The following DOK5 variants were observed in gnomAD, a reference collection of about 807,000 sequenced individuals.
The protein encoded by DOK5 is docking protein 5.
In DOK5, 27 loss-of-function variants were observed where a neutral mutation model predicts 43.3. The observed-to-expected ratio is 0.62, with a 90% CI of 0.46 to 0.86. The LOEUF (loss-of-function observed/expected upper bound fraction) is 0.86, where lower values mean the gene tolerates loss of function less well. Among genes scored for constraint, DOK5 ranks in the 40% least tolerant of loss-of-function variants. The pLI, the probability that DOK5 is intolerant of heterozygous loss-of-function variation, is 0.00. For synonymous variants in DOK5, 146 were observed against 140.1 expected (o/e 1.04, Z -0.30); for missense variants, 373 against 392.9 (o/e 0.95, Z 0.43).
At chr20:54,587,208 T>C (rs534878524) in intron 2 of DOK5, among the ~76,000 whole-genome samples, 2 of 152,290 alleles carry the variant, frequency 1.3e-5, no homozygotes, top group South Asian at 4.1e-4. Flanking sequence ...TACATGGTGC[T>C]GAGTCACTGA....
chr20:54,509,528 G>A (rs929280530), intron 1 of DOK5, among the ~76,000 whole-genome samples: 1 of 152,186 alleles, frequency 6.6e-6, no homozygotes, highest in Non-Finnish European at 1.5e-5. Context: ...TATATGATGG[G>A]AGGCCATTGC....
intron 6 of DOK5, among the ~76,000 whole-genome samples, chr20:54,622,985 C>T (rs1179417920): frequency 1.3e-5 from 2 of 152,132 alleles, no homozygotes; most frequent in Admixed American, 1.3e-4. Context: ...CTTCTAAGCA[C>T]AGAGCCCCGT....
At chr20:54,649,542 C>CG (rs934803076) in intron 7 of DOK5, among the ~76,000 whole-genome samples, 1 of 151,964 alleles carries the variant, frequency 6.6e-6, no homozygotes, top group Non-Finnish European at 1.5e-5. Flanking sequence ...ACCAAGGCTG[C>CG]GGAAGTTTGT....
At chr20:54,486,316 A>G (rs995837012) in intron 1 of DOK5, among the ~76,000 whole-genome samples, 2 of 151,386 alleles carry the variant, frequency 1.3e-5, no homozygotes, top group African/African-American at 4.9e-5. Context: ...TGCCTTATAT[A>G]TGTACAGTGA....
At chr20:54,520,716 G>C (rs991863076) in intron 1 of DOK5, among the ~76,000 whole-genome samples, 2 of 152,028 alleles carry the variant, frequency 1.3e-5, no homozygotes, top group African/African-American at 4.8e-5. Flanking sequence ...AGCCCAGGAG[G>C]TTGAGTCAGC....
chr20:54,496,477 GA>G (rs1175172639), intron 1 of DOK5, among the ~76,000 whole-genome samples: 2 of 152,062 alleles, frequency 1.3e-5, no homozygotes, highest in Admixed American at 1.3e-4. Context: ...TCCTTGAGAA[GA>G]AAAAAAGAGC....
chr20:54,576,488 A>C (rs190532103), intron 2 of DOK5, among the ~76,000 whole-genome samples: 13 of 152,332 alleles, frequency 8.5e-5, no homozygotes, highest in Admixed American at 7.8e-4. Flanking sequence ...AGAGGTCAGA[A>C]TGGTAGTTTT....
chr20:54,583,112 T>C (rs1488070236), intron 2 of DOK5, among the ~76,000 whole-genome samples: 2 of 152,150 alleles, frequency 1.3e-5, no homozygotes, highest in African/African-American at 4.8e-5. Context: ...CCCTTTTGAT[T>C]CCTTCTTTGA....
In DOK5 at chr20:54,643,777, A is replaced by G. The variant is rs1156260408; in HGVS notation, c.856+199A>G. On this transcript the variant is annotated intron_variant, in intron 7 of 7. Coordinates refer to ENST00000262593, the MANE Select transcript of DOK5 (RefSeq NM_018431.5). ...TCTGTATGGCTCTAGAGATATTTGTATCTATCACAGTGTCCGGGGGGAAGT... is the reference window on the plus strand; with the variant it reads ...TCTGTATGGCTCTAGAGATATTTGTGTCTATCACAGTGTCCGGGGGGAAGT... 3.3e-5 allele frequency among the ~76,000 whole-genome samples: 5 copies of G among 152,198 alleles called. No individual in the cohort carries two copies. The East Asian group carries it at 5.8e-4, about 18-fold the overall frequency.
chr20:54,484,038 C>T (rs1981828767), intron 1 of DOK5, among the ~76,000 whole-genome samples: 2 of 152,152 alleles, frequency 1.3e-5, no homozygotes, highest in African/African-American at 2.4e-5. Context: ...AAGTCTGGTC[C>T]TCCCTGCCCC....
intron 5 of DOK5, among the ~76,000 whole-genome samples, chr20:54,609,334 G>A (rs191181849): frequency 5.3e-5 from 8 of 152,162 alleles, no homozygotes; most frequent in Admixed American, 3.3e-4. Flanking sequence ...AGAATAATTC[G>A]GCTCTTTAAA....
chr20:54,555,343 C>T lies in DOK5; in HGVS notation c.174+303C>T, dbSNP rs536738614. The T allele has an allele frequency of 2.5e-5, 6 of 236,238 alleles. No individual in the cohort carries two copies. The East Asian group carries it at 5.3e-4, about 21-fold the overall frequency. The allele number at this position is 236,238 out of a possible 1,614,324, so 14.6% of individuals were successfully genotyped here. ...CCCCGAGAGGATGAGGACTGGATCT[C>T]ATTGTGTCTCAGACACTGCCTGATG... On this transcript the variant is annotated intron_variant, in intron 2 of 7. Coordinates refer to ENST00000262593, the MANE Select transcript of DOK5 (RefSeq NM_018431.5).
intron 6 of DOK5, among the ~76,000 whole-genome samples, chr20:54,616,558 A>ATATAAAT (rs1986813832): frequency 6.6e-6 from 1 of 152,112 alleles, no homozygotes; most frequent in Non-Finnish European, 1.5e-5. Flanking sequence ...CTATATTACT[A>ATATAAAT]TATAAATTAA....
chr20:54,570,301 G>C (rs763013180), intron 2 of DOK5, among the ~76,000 whole-genome samples: 58 of 152,278 alleles, frequency 3.8e-4, no homozygotes, highest in Non-Finnish European at 2.8e-4. Context: ...ACTCAGAAAT[G>C]GATGGTTTTC....
At chr20:54,632,831 C>A (rs1027094449) in intron 6 of DOK5, among the ~76,000 whole-genome samples, 4 of 152,182 alleles carry the variant, frequency 2.6e-5, no homozygotes, top group Non-Finnish European at 5.9e-5. Flanking sequence ...AATCCCAGCA[C>A]TTTGGGAGGC....
chr20:54,628,404 G>T (rs1369151843), intron 6 of DOK5, among the ~76,000 whole-genome samples: 1 of 68,502 alleles, frequency 1.5e-5, no homozygotes, highest in African/African-American at 7.6e-5. Flanking sequence ...GCGAGACTCC[G>T]TCTCAAAAAA....
chr20:54,574,284 T>G (rs1449845372), intron 2 of DOK5, among the ~76,000 whole-genome samples: 2 of 152,078 alleles, frequency 1.3e-5, no homozygotes, highest in Non-Finnish European at 2.9e-5. Context: ...CTGCTTGGTT[T>G]TCTTCATATC....
chr20:54,540,664 G>A (rs957900843), intron 1 of DOK5, among the ~76,000 whole-genome samples: 1 of 152,046 alleles, frequency 6.6e-6, no homozygotes, highest in African/African-American at 2.4e-5. Context: ...CCACAGGGGT[G>A]CACCACCACA....
intron 5 of DOK5, among the ~76,000 whole-genome samples, chr20:54,605,065 T>TACAC (rs1986430554): frequency 7.0e-6 from 1 of 142,254 alleles, no homozygotes; most frequent in African/African-American, 2.8e-5. Context: ...ACACACACGT[T>TACAC]GAGGTCAAAA....
Sources: allele counts gnomAD v4.1 joint callset (sites outside exome capture counted in the v4.1 genomes callset), GRCh38; gene constraint gnomAD v4.1.1; transcripts MANE v1.5; gene names NCBI Gene and HGNC (gene_info 2026-07-23, HGNC 2026-07-21).